EIF4G3: variants seen among roughly 807,000 people sequenced by gnomAD.
EIF4G3 encodes the protein eukaryotic translation initiation factor 4 gamma 3.
Under a neutral mutation model 186.4 loss-of-function variants are expected in EIF4G3, and 34 were observed. The observed-to-expected ratio is 0.18, with a 90% CI of 0.14 to 0.24. The LOEUF is 0.24. EIF4G3 is among the 10% of genes least tolerant of loss of function. EIF4G3 has a pLI of 1.00. For synonymous variants in EIF4G3, 673 were observed against 679.5 expected (o/e 0.99, Z 0.15); for missense variants, 1,536 against 1,948.5 (o/e 0.79, Z 3.99).
intron 2 of EIF4G3, among the ~76,000 whole-genome samples, chr1:21,174,214 C>G (rs2098052415): frequency 6.6e-6 from 1 of 152,186 alleles, no homozygotes; most frequent in Admixed American, 6.5e-5. Context: ...GGAACTTACA[C>G]TTAAATTTAT....
chr1:21,134,601 G>A (rs916504046), intron 2 of EIF4G3, among the ~76,000 whole-genome samples: 5 of 152,112 alleles, frequency 3.3e-5, no homozygotes, highest in African/African-American at 7.2e-5. Context: ...CCCGGGAGGC[G>A]GAGGTTGCAG....
chr1:21,028,079 T>C (rs1286160275), intron 4 of EIF4G3, among the ~76,000 whole-genome samples: 1 of 152,158 alleles, frequency 6.6e-6, no homozygotes, highest in East Asian at 1.9e-4. Context: ...AGTTAAAGAA[T>C]AGCCAAAGCC....
intron 7 of EIF4G3, among the ~76,000 whole-genome samples, chr1:20,989,106 A>AG (rs1305372812): frequency 2.0e-5 from 2 of 100,692 alleles, no homozygotes; most frequent in African/African-American, 3.9e-5. Flanking sequence ...AGGAGAGGAG[A>AG]GATTTGTGAT....
At chr1:21,166,730 CAAAAAAATAAATAAATA>C (rs1158200013) in intron 2 of EIF4G3, among the ~76,000 whole-genome samples, 1 of 151,550 alleles carries the variant, frequency 6.6e-6, no homozygotes, top group Non-Finnish European at 1.5e-5. Flanking sequence ...AAGACTGTCT[CAAAAAAATAAATAAATA>C]AAATAAATAA....
chr1:21,016,407 C>T (rs2089073555), intron 4 of EIF4G3, among the ~76,000 whole-genome samples: 1 of 152,086 alleles, frequency 6.6e-6, no homozygotes, highest in Non-Finnish European at 1.5e-5. Flanking sequence ...TACTTGTGGC[C>T]AGGTGTGGTG....
chr1:20,907,408 T>C (rs1395376007), intron 14 of EIF4G3, among the ~76,000 whole-genome samples: 1 of 152,158 alleles, frequency 6.6e-6, no homozygotes, highest in East Asian at 1.9e-4. Context: ...ATTATTATTA[T>C]ACTTTAAGTT....
chr1:21,142,473 C>T (rs1199892695), intron 2 of EIF4G3, among the ~76,000 whole-genome samples: 1 of 152,124 alleles, frequency 6.6e-6, no homozygotes, highest in Non-Finnish European at 1.5e-5. Context: ...TACAACCGTA[C>T]TCCAGCCTAA....
chr1:20,935,193 AG>A (rs1182159373), intron 14 of EIF4G3, among the ~76,000 whole-genome samples: 6 of 152,322 alleles, frequency 3.9e-5, no homozygotes, highest in African/African-American at 1.2e-4. Context: ...GTATAAAGGA[AG>A]GGGCTGTAAT....
At chr1:20,891,106 CAG>C (rs2085873260) in intron 18 of EIF4G3, among the ~76,000 whole-genome samples, 2 of 152,198 alleles carry the variant, frequency 1.3e-5, no homozygotes, top group African/African-American at 4.8e-5. Context: ...CGTAGGTATA[CAG>C]AGGAGTGGTA....
At chr1:20,983,555 A>T (rs1166141640) in intron 7 of EIF4G3, among the ~76,000 whole-genome samples, 1 of 62,760 alleles carries the variant, frequency 1.6e-5, no homozygotes, top group Non-Finnish European at 4.5e-5. Context: ...GAACAAACTT[A>T]AGTATTTTTA....
intron 3 of EIF4G3, chr1:21,065,022 C>A (rs1279513713): frequency 1.3e-5 from 2 of 152,100 alleles, no homozygotes; most frequent in African/African-American, 4.8e-5. Flanking sequence ...TACCAACTTA[C>A]AACTTAATTT....
At chr1:20,813,074 CA>C in intron 35 of EIF4G3, 83 bp downstream of exon 35, 1 of 957,074 alleles carries the variant, frequency 1.0e-6, no homozygotes, top group Non-Finnish European at 1.6e-6. Context: ...GTTTTGAAAA[CA>C]ATGTAAAATC....
chr1:21,122,802 G>A (rs775253975), intron 2 of EIF4G3, among the ~76,000 whole-genome samples: 4 of 152,152 alleles, frequency 2.6e-5, no homozygotes, highest in Non-Finnish European at 5.9e-5. Flanking sequence ...CTGCCAGTTT[G>A]TATTACACAT....
chr1:20,845,166 T>G (rs1207926912), intron 29 of EIF4G3, among the ~76,000 whole-genome samples: 1 of 152,222 alleles, frequency 6.6e-6, no homozygotes, highest in Non-Finnish European at 1.5e-5. Flanking sequence ...GTTTCAATTT[T>G]CCGCTTATGA....
chr1:20,854,708 AATAT>A (rs1553222575), intron 26 of EIF4G3, among the ~76,000 whole-genome samples: 1 of 144,450 alleles, frequency 6.9e-6, no homozygotes, highest in Admixed American at 6.9e-5. Flanking sequence ...CCATCTCAAA[AATAT>A]ATAAATAAAT....
chr1:20,964,634 A>G (rs1428410956), intron 12 of EIF4G3, among the ~76,000 whole-genome samples: 1 of 152,206 alleles, frequency 6.6e-6, no homozygotes, highest in Non-Finnish European at 1.5e-5. Context: ...CAAATTTAAT[A>G]TAATTGCTCC....
chr1:21,081,010 G>A (rs1334216403), intron 3 of EIF4G3, among the ~76,000 whole-genome samples: 1 of 152,182 alleles, frequency 6.6e-6, no homozygotes, highest in African/African-American at 2.4e-5. Context: ...AAATTCCACA[G>A]TTTATACTGC....
At chr1:20,851,595 AT>A (rs1346033265) in intron 27 of EIF4G3, 117 bp from the exon 28 acceptor site, 12 of 902,364 alleles carry the variant, frequency 1.3e-5, no homozygotes, top group Non-Finnish European at 2.0e-5. Flanking sequence ...CACAGATAAC[AT>A]TAGATGTGTG....
chr1:20,893,762 A>AG (rs2086919457), intron 17 of EIF4G3, 126 bp from the exon 18 acceptor site: 3 of 1,084,246 alleles, frequency 2.8e-6, no homozygotes, highest in African/African-American at 1.6e-5. Context: ...TGGAACCCGC[A>AG]GAAGTCCAAT....
Sources: gnomAD v4.1 joint callset for allele counts (sites outside exome capture counted in the v4.1 genomes callset) on GRCh38, gnomAD v4.1.1 for gene constraint, MANE v1.5 for transcripts, NCBI Gene and HGNC (gene_info 2026-07-23, HGNC 2026-07-21) for gene names.